PCDHGB3: variants seen among roughly 807,000 people sequenced by gnomAD.
PCDHGB3 encodes the protein protocadherin gamma-B3.
PCDHGB3 carries 40 observed loss-of-function variants against 59.2 expected under a neutral mutation model. The ratio of observed to expected loss-of-function variants is 0.68; its 90% CI spans 0.52 to 0.88. The LOEUF (loss-of-function observed/expected upper bound fraction) is 0.88. PCDHGB3 is among the 40% of genes least tolerant of loss of function. PCDHGB3 has a pLI of 0.00. For synonymous variants in PCDHGB3, 581 were observed against 503.6 expected, an observed-to-expected ratio of 1.15 and a Z score of -2.06; for missense variants, 1,309 against 1,187.9, an observed-to-expected ratio of 1.10 and a Z score of -1.50.
At chr5:141,452,908 A>G (rs747849272) in intron 1 of PCDHGB3, among the ~76,000 whole-genome samples, 5 of 152,222 alleles carry the variant, frequency 3.3e-5, no homozygotes, top group African/African-American at 4.8e-5. Flanking sequence ...AGTTGGCATT[A>G]TACAGTAAGA....
chr5:141,428,423 G>C (rs939814279), intron 1 of PCDHGB3: 1 of 440,550 alleles, frequency 2.3e-6, no homozygotes, highest in Non-Finnish European at 4.3e-6. Flanking sequence ...CCTGGTCTCT[G>C]TTCTAAGACT....
intron 1 of PCDHGB3, among the ~76,000 whole-genome samples, chr5:141,445,119 T>C (rs975225604): frequency 1.3e-5 from 2 of 152,270 alleles, no homozygotes; most frequent in African/African-American, 4.8e-5. Context: ...TTGTAAATAG[T>C]ATTTTTAAAA....
intron 1 of PCDHGB3, chr5:141,397,927 G>C: frequency 1.3e-6 from 1 of 764,054 alleles, no homozygotes. Flanking sequence ...TCCTCGCGCA[G>C]CCGCAGCGCG....
intron 1 of PCDHGB3, among the ~76,000 whole-genome samples, chr5:141,435,017 C>T (rs1477938779): frequency 1.3e-5 from 2 of 151,994 alleles, no homozygotes; most frequent in Middle Eastern, 3.2e-3. Flanking sequence ...AATGATAATG[C>T]TCTTTTCCCA....
In PCDHGB3 at chr5:141,486,546, G is replaced by A. The variant is rs1156517969; in HGVS notation, c.2416-8261G>A. Reference sequence around the variant, plus strand: ...GATAATCCACCCTCTTTCTTTCAGAGGTCACATGAGGTGTTTGTTCCTGAG... The same window carrying A: ...GATAATCCACCCTCTTTCTTTCAGAAGTCACATGAGGTGTTTGTTCCTGAG... On this transcript the variant is annotated intron_variant, in intron 1 of 3. Coordinates refer to ENST00000576222, the MANE Select transcript of PCDHGB3 (RefSeq NM_018924.5). The surrounding 1 kb of genome is among the most constrained non-coding windows in gnomAD (Gnocchi z 5.0). 3 of 1,614,084 alleles carry A rather than the reference G, an allele frequency of 1.9e-6. No homozygotes were observed. The East Asian group carries it at 6.7e-5, about 36-fold the overall frequency.
chr5:141,489,287 T>C lies in PCDHGB3; in HGVS notation c.2416-5520T>C. 1 of 1,573,410 alleles carries C rather than the reference T, an allele frequency of 6.4e-7. No individual in the cohort carries two copies. Among genetic ancestry groups the C allele is most frequent in the Non-Finnish European group, 8.6e-7 (1 of 1,159,858 alleles). ...CAGCTCGCTGGGAAATGGCAAGTGC[T>C]GTGCATGTTGTCCTTGTGCTGCTGG... On this transcript the variant is annotated intron_variant, in intron 1 of 3. Transcript: ENST00000576222. The surrounding 1 kb of genome is among the most constrained non-coding windows in gnomAD (Gnocchi z 4.5).
At position 141,476,639 on chromosome 5, in the gene PCDHGB3, A is replaced by G; in HGVS notation, c.2416-18168A>G. 1.2e-6 allele frequency: 2 copies of G among 1,614,206 alleles called. No individual in the cohort carries two copies. Among genetic ancestry groups the G allele is most frequent in the Non-Finnish European group, 1.7e-6 (2 of 1,180,038 alleles). On this transcript the variant is annotated intron_variant, in intron 1 of 3. Transcript: ENST00000576222. The surrounding 1 kb of genome is among the most constrained non-coding windows in gnomAD (Gnocchi z 7.6). ...CAACTCTTTACAAACCTATGAGCTG[A>G]GCCGAAATGAATACTTTGCGCTTCG...
intron 1 of PCDHGB3, chr5:141,378,226 T>C (rs1774724615): frequency 6.6e-6 from 1 of 152,206 alleles, no homozygotes; most frequent in Admixed American, 6.5e-5. Context: ...TGCCTGATAG[T>C]ATTTAAGAGT....
chr5:141,445,188 G>A (rs1267342449), intron 1 of PCDHGB3, among the ~76,000 whole-genome samples: 5 of 152,198 alleles, frequency 3.3e-5, no homozygotes, highest in South Asian at 2.1e-4. Flanking sequence ...ATGTTTTTAT[G>A]TATTCTATAT....
intron 1 of PCDHGB3, chr5:141,394,644 G>C (rs765703225): frequency 1.2e-6 from 2 of 1,613,358 alleles, no homozygotes; most frequent in Admixed American, 3.3e-5. Context: ...CCTGCTCAAG[G>C]CCAGCGAGCC....
intron 1 of PCDHGB3, among the ~76,000 whole-genome samples, chr5:141,483,755 G>A (rs2099586573): frequency 6.6e-6 from 1 of 152,130 alleles, no homozygotes. Flanking sequence ...TGAGGATCGA[G>A]GCTTGGAAAA....
At chr5:141,388,112 C>T (rs1399745232) in intron 1 of PCDHGB3, 1 of 1,408,080 alleles carries the variant, frequency 7.1e-7, no homozygotes, top group South Asian at 1.2e-5. Flanking sequence ...CTTACTTCAC[C>T]GTGAGCGCAG....
chr5:141,486,707 C>A lies in PCDHGB3; in HGVS notation c.2416-8100C>A, dbSNP rs1314530265. On this transcript the variant is annotated intron_variant, in intron 1 of 3. Coordinates refer to ENST00000576222, the MANE Select transcript of PCDHGB3 (RefSeq NM_018924.5). The surrounding 1 kb of genome is among the most constrained non-coding windows in gnomAD (Gnocchi z 5.0). ...AGCTTCCTCTTTCATCTCTCTGAAC[C>A]CCCAGACAGGAGCTGTTCATGCTAC... 2 of 1,614,040 alleles carry A rather than the reference C, an allele frequency of 1.2e-6. No individual in the cohort carries two copies. The highest frequency in any genetic ancestry group is 1.7e-6 in the Non-Finnish European group (2 of 1,180,038).
In PCDHGB3 at chr5:141,371,606, G is replaced by A; in HGVS notation, c.1212G>A (p.Leu404=). 1.2e-6 allele frequency: 2 copies of A among 1,614,010 alleles called. No individual in the cohort carries two copies. The highest frequency in any genetic ancestry group is 2.2e-5 in the South Asian group (2 of 91,084). ...AAGATACCAAAAACACATACAGGTT[G>A]GTGACAGATGGAGCCCTGGACCGGG... is the stretch of plus-strand genomic sequence containing the variant. ...IVQDTKNTYR[L]VTDGALDREQ... The change falls in exon 1 of 4, where the codon TTG becomes TTA. Residue 404 remains leucine (L), a synonymous_variant. Transcript: ENST00000576222.
At chr5:141,419,826 C>T in intron 1 of PCDHGB3, 1 of 1,614,066 alleles carries the variant, frequency 6.2e-7, no homozygotes, top group Non-Finnish European at 8.5e-7. Flanking sequence ...CCCCTTTCAG[C>T]CACTGCCACG....
chr5:141,494,546 G>T (rs984336435), intron 1 of PCDHGB3, among the ~76,000 whole-genome samples: 1 of 152,152 alleles, frequency 6.6e-6, no homozygotes, highest in African/African-American at 2.4e-5. Context: ...GGAGGAAGGG[G>T]CCATTTCTTT....
chr5:141,503,045 G>A (rs543484478), intron 2 of PCDHGB3, among the ~76,000 whole-genome samples: 1 of 151,702 alleles, frequency 6.6e-6, no homozygotes, highest in South Asian at 2.1e-4. Context: ...AGTTGAGACA[G>A]GGTTTCACCA....
chr5:141,511,345 T>TC lies in PCDHGB3; in HGVS notation c.*179dup, dbSNP rs535135679. The TC allele has an allele frequency of 6.6e-4, 924 of 1,410,366 alleles. 3 individuals are homozygous for TC. The African/African-American group carries it at 0.011, about 17-fold the overall frequency. 87.4% of individuals were successfully genotyped at this position (1,410,366 alleles called of 1,614,324 possible). ...AAGTGCCCAGTCAGCACCTACCCCT[T>TC]CCCCCCCAGGGGGTTGAATATGCAA... On this transcript the variant is annotated 3_prime_UTR_variant, in exon 4 of 4. Coordinates refer to ENST00000576222, the MANE Select transcript of PCDHGB3 (RefSeq NM_018924.5).
At chr5:141,438,635 T>TATAC (rs1460604450) in intron 1 of PCDHGB3, among the ~76,000 whole-genome samples, 1 of 33,416 alleles carries the variant, frequency 3.0e-5, no homozygotes, top group Admixed American at 4.2e-4. Context: ...TATATATATA[T>TATAC]ACACACACAC....
Sources: gnomAD v4.1 joint callset for allele counts (sites outside exome capture counted in the v4.1 genomes callset) on GRCh38, gnomAD v4.1.1 for gene constraint, Gnocchi (gnomAD v3.1) non-coding constraint, MANE v1.5 for transcripts, NCBI Gene and HGNC (gene_info 2026-07-23, HGNC 2026-07-21) for gene names.